Variants in NDUFAF2 observed in about 807,000 individuals in gnomAD.
NDUFAF2 encodes the protein NADH:ubiquinone oxidoreductase complex assembly factor 2.
NDUFAF2 carries 13 observed loss-of-function variants against 22.8 expected under a neutral mutation model. The ratio of observed to expected loss-of-function variants is 0.57; its 90% CI spans 0.37 to 0.91. The LOEUF is 0.91. Ranked by LOEUF, NDUFAF2 falls within the 40% of genes least tolerant of loss-of-function variation. The pLI is 0.01. For missense variants in NDUFAF2, 162 were observed against 195.2 expected, an observed-to-expected ratio of 0.83 and a Z score of 1.01; for synonymous variants, 53 against 64.2, an observed-to-expected ratio of 0.83 and a Z score of 0.84.
intron 3 of NDUFAF2, among the ~76,000 whole-genome samples, chr5:61,147,578 T>A (rs1190609168): frequency 6.6e-6 from 1 of 151,658 alleles, no homozygotes; most frequent in Admixed American, 6.6e-5. Context: ...ACGGCTAGAA[T>A]CTTACTTTTA....
chr5:61,063,814 G>C (rs963493004), intron 1 of NDUFAF2, among the ~76,000 whole-genome samples: 1 of 151,920 alleles, frequency 6.6e-6, no homozygotes, highest in Admixed American at 6.6e-5. Flanking sequence ...GGCAAAAAGA[G>C]GAAGAAAAGA....
chr5:61,119,592 T>C (rs184110847), intron 3 of NDUFAF2, among the ~76,000 whole-genome samples: 63 of 152,286 alleles, frequency 4.1e-4, no homozygotes, highest in Middle Eastern at 3.4e-3. Flanking sequence ...CATTTTTTTA[T>C]TTACCTACTA....
chr5:60,955,911 T>C (rs958243389), intron 1 of NDUFAF2, among the ~76,000 whole-genome samples: 1 of 142,626 alleles, frequency 7.0e-6, no homozygotes, highest in Non-Finnish European at 1.5e-5. Context: ...TTTTTGTATG[T>C]TGACTTTGTT....
At chr5:61,052,998 C>A (rs572121075) in intron 1 of NDUFAF2, among the ~76,000 whole-genome samples, 1 of 152,338 alleles carries the variant, frequency 6.6e-6, no homozygotes, top group African/African-American at 2.4e-5. Context: ...TAAGTTTTCT[C>A]TAGTGCATTG....
At chr5:61,115,502 G>C (rs772076672) in intron 3 of NDUFAF2, 2 of 152,208 alleles carry the variant, frequency 1.3e-5, no homozygotes, top group Admixed American at 6.5e-5. Flanking sequence ...CTGCAGTGAG[G>C]ATGATTAATG....
chr5:61,097,520 T>C (rs1265638470), intron 2 of NDUFAF2, among the ~76,000 whole-genome samples: 1 of 152,242 alleles, frequency 6.6e-6, no homozygotes, highest in East Asian at 1.9e-4. Context: ...AGTGACAGTC[T>C]GTGCCTAAAT....
At chr5:60,962,648 C>T (rs1048487537) in intron 1 of NDUFAF2, among the ~76,000 whole-genome samples, 4 of 151,776 alleles carry the variant, frequency 2.6e-5, no homozygotes, top group African/African-American at 4.8e-5. Flanking sequence ...CTGGCTAACA[C>T]GGTGAAACCC....
intron 1 of NDUFAF2, among the ~76,000 whole-genome samples, chr5:61,017,448 C>CA (rs1282360346): frequency 1.3e-5 from 2 of 150,912 alleles, no homozygotes; most frequent in Non-Finnish European, 3.0e-5. Flanking sequence ...ATGTTTGAGA[C>CA]AAAAAAATGA....
At chr5:61,127,121 C>A (rs1008764201) in intron 3 of NDUFAF2, among the ~76,000 whole-genome samples, 1 of 152,004 alleles carries the variant, frequency 6.6e-6, no homozygotes, top group Non-Finnish European at 1.5e-5. Context: ...CAATAACAGG[C>A]TCTGAAATTG....
chr5:61,119,160 G>A (rs1752947515), intron 3 of NDUFAF2, among the ~76,000 whole-genome samples: 7 of 152,176 alleles, frequency 4.6e-5, no homozygotes, highest in Admixed American at 4.6e-4. Context: ...AATTGTCACA[G>A]TAATGTGCAT....
At chr5:61,131,708 GAA>G (rs1266335162) in intron 3 of NDUFAF2, among the ~76,000 whole-genome samples, 1 of 151,946 alleles carries the variant, frequency 6.6e-6, no homozygotes. Flanking sequence ...AATATTGAGT[GAA>G]AAGCAGTTTA....
intron 1 of NDUFAF2, among the ~76,000 whole-genome samples, chr5:60,986,750 G>T (rs570095393): frequency 6.6e-6 from 1 of 152,050 alleles, no homozygotes; most frequent in African/African-American, 2.4e-5. Flanking sequence ...CCAACATAGT[G>T]AAACCCCATC....
At chr5:61,145,095 G>T (rs1434799559) in intron 3 of NDUFAF2, among the ~76,000 whole-genome samples, 1 of 152,014 alleles carries the variant, frequency 6.6e-6, no homozygotes, top group Non-Finnish European at 1.5e-5. Context: ...CCATATTTAA[G>T]CTTTGTTTTT....
At chr5:61,069,714 A>T (rs1387819662) in intron 1 of NDUFAF2, among the ~76,000 whole-genome samples, 4 of 151,912 alleles carry the variant, frequency 2.6e-5, no homozygotes, top group African/African-American at 9.7e-5. Context: ...TACATGTGAA[A>T]CCTGTCTTTT....
intron 2 of NDUFAF2, among the ~76,000 whole-genome samples, chr5:61,084,220 T>A (rs973929166): frequency 1.0e-4 from 9 of 89,984 alleles, no homozygotes; most frequent in African/African-American, 3.0e-4. Context: ...ATTGAGATTA[T>A]TTTTATGATT....
chr5:61,106,810 C>G (rs1325137007), intron 3 of NDUFAF2, among the ~76,000 whole-genome samples: 2 of 151,068 alleles, frequency 1.3e-5, no homozygotes, highest in African/African-American at 4.9e-5. Flanking sequence ...TGCCTTATTT[C>G]ACTTAAAATA....
chr5:61,047,267 A>G lies in NDUFAF2; in HGVS notation c.128-25858A>G, dbSNP rs115675577. On this transcript the variant is annotated intron_variant, in intron 1 of 3. Transcript: ENST00000296597. Reference sequence around the variant, plus strand: ...TCTTGGCACTTTACATATAGTAACTAATTTCATCCTATGATCATATTTTAT... The same window carrying G: ...TCTTGGCACTTTACATATAGTAACTGATTTCATCCTATGATCATATTTTAT... 1.2e-3 allele frequency among the ~76,000 whole-genome samples: 190 copies of G among 152,246 alleles called. 1 individual carries two copies. The highest frequency in any genetic ancestry group is 4.5e-3 in the African/African-American group (186 of 41,564).
chr5:61,071,977 T>C (rs1027559194), intron 1 of NDUFAF2, among the ~76,000 whole-genome samples: 1 of 152,238 alleles, frequency 6.6e-6, no homozygotes, highest in African/African-American at 2.4e-5. Flanking sequence ...TATGCACTAA[T>C]CAACTTTTAT....
intron 1 of NDUFAF2, among the ~76,000 whole-genome samples, chr5:61,035,681 C>G (rs1453139884): frequency 1.3e-5 from 2 of 151,910 alleles, no homozygotes; most frequent in African/African-American, 2.4e-5. Context: ...TAGCACTCCT[C>G]CTAATCATCA....
Sources: gnomAD v4.1 joint callset for allele counts (sites outside exome capture counted in the v4.1 genomes callset) on GRCh38, gnomAD v4.1.1 for gene constraint, MANE v1.5 for transcripts, NCBI Gene and HGNC (gene_info 2026-07-23, HGNC 2026-07-21) for gene names.